THSD4: variants seen among roughly 807,000 people sequenced by gnomAD.
THSD4 encodes the protein thrombospondin type 1 domain containing 4.
Under a neutral mutation model 119.0 loss-of-function variants are expected in THSD4, and 69 were observed. The observed-to-expected ratio is 0.58, with a 90% CI of 0.48 to 0.71. The LOEUF is 0.71. THSD4 is among the 30% of genes least tolerant of loss of function. The pLI is 0.00. For missense variants in THSD4, 1,393 were observed against 1,391.1 expected, an observed-to-expected ratio of 1.00 and a Z score of -0.02; for synonymous variants, 524 against 540.4, an observed-to-expected ratio of 0.97 and a Z score of 0.42.
chr15:71,129,837 C>T (rs947396987), intron 1 of THSD4, among the ~76,000 whole-genome samples: 5 of 152,196 alleles, frequency 3.3e-5, no homozygotes, highest in African/African-American at 9.7e-5. Context: ...ATAACTCAAA[C>T]GTCAATGCGC....
intron 1 of THSD4, among the ~76,000 whole-genome samples, chr15:71,103,802 T>C (rs1319258941): frequency 1.3e-5 from 2 of 151,916 alleles, no homozygotes; most frequent in East Asian, 3.9e-4. Flanking sequence ...GGAGTTCCCC[T>C]GCACCCCACT....
intron 6 of THSD4, among the ~76,000 whole-genome samples, chr15:71,319,648 T>A (rs2045241205): frequency 1.3e-5 from 2 of 152,082 alleles, no homozygotes; most frequent in Non-Finnish European, 1.5e-5. Flanking sequence ...CAGTCTATCA[T>A]TGATGGACAT....
intron 6 of THSD4, among the ~76,000 whole-genome samples, chr15:71,386,096 A>G (rs2046290363): frequency 6.6e-6 from 1 of 152,228 alleles, no homozygotes; most frequent in Non-Finnish European, 1.5e-5. Flanking sequence ...TTTACTGAGT[A>G]GGTGCTTAGT....
intron 7 of THSD4, among the ~76,000 whole-genome samples, chr15:71,454,130 G>C (rs2047304588): frequency 6.6e-6 from 1 of 152,130 alleles, no homozygotes; most frequent in African/African-American, 2.4e-5. Flanking sequence ...GGTGGTGCAT[G>C]CCTGTAATTC....
At chr15:71,409,280 C>G (rs756576825) in intron 6 of THSD4, among the ~76,000 whole-genome samples, 2 of 152,048 alleles carry the variant, frequency 1.3e-5, no homozygotes, top group African/African-American at 4.8e-5. Context: ...AGTGAGGACC[C>G]AAAACCCTTG....
At chr15:71,380,347 T>C (rs2046212269) in intron 6 of THSD4, among the ~76,000 whole-genome samples, 2 of 152,138 alleles carry the variant, frequency 1.3e-5, no homozygotes. Context: ...ATAACTCTTA[T>C]TTGGTCACAG....
chr15:71,372,760 C>T (rs1163959436), intron 6 of THSD4, among the ~76,000 whole-genome samples: 2 of 152,268 alleles, frequency 1.3e-5, no homozygotes, highest in African/African-American at 4.8e-5. Context: ...CCCGTTCTCA[C>T]ATCTCAAACT....
At chr15:71,235,106 A>G (rs1567164937) in intron 4 of THSD4, among the ~76,000 whole-genome samples, 1 of 152,190 alleles carries the variant, frequency 6.6e-6, no homozygotes. Context: ...TGTGAATTAC[A>G]TCTCCCTCCT....
intron 6 of THSD4, among the ~76,000 whole-genome samples, chr15:71,392,216 G>A (rs1450934422): frequency 6.6e-6 from 1 of 152,168 alleles, no homozygotes. Flanking sequence ...GATAAATGTC[G>A]ATATTTCCAT....
chr15:71,557,539 A>G (rs8029497), intron 7 of THSD4, among the ~76,000 whole-genome samples: 2 of 151,910 alleles, frequency 1.3e-5, no homozygotes, highest in African/African-American at 4.8e-5. Flanking sequence ...AGGATTTTCT[A>G]TAATATAAAA....
intron 3 of THSD4, among the ~76,000 whole-genome samples, chr15:71,156,546 TGA>T (rs568363216): frequency 2.2e-4 from 33 of 152,224 alleles, no homozygotes; most frequent in African/African-American, 7.7e-4. Flanking sequence ...ATTATAGGTG[TGA>T]GCCGCTGCAC....
chr15:71,615,296 G>T (rs1290788050), intron 7 of THSD4, among the ~76,000 whole-genome samples: 1 of 152,076 alleles, frequency 6.6e-6, no homozygotes, highest in African/African-American at 2.4e-5. Flanking sequence ...AGACTCCAAA[G>T]GAAAATATGG....
At chr15:71,388,663 A>T (rs12902609) in intron 6 of THSD4, among the ~76,000 whole-genome samples, 81,631 of 134,174 alleles carry the variant, frequency 0.61, 22,859 homozygotes, top group Middle Eastern at 0.76. Context: ...CTTTGGAGAG[A>T]GTGTGTGTGT....
At chr15:71,204,421 G>A (rs2043827624) in intron 3 of THSD4, among the ~76,000 whole-genome samples, 1 of 152,188 alleles carries the variant, frequency 6.6e-6, no homozygotes, top group Middle Eastern at 3.2e-3. Flanking sequence ...TGGCAGTGGG[G>A]AGCCCTGGGT....
At chr15:71,474,231 T>A (rs1022976475) in intron 7 of THSD4, among the ~76,000 whole-genome samples, 5 of 152,046 alleles carry the variant, frequency 3.3e-5, no homozygotes, top group Admixed American at 6.5e-5. Flanking sequence ...ATTTTATTTT[T>A]TTTTTTGAGA....
rs75378430 is a variant in THSD4, at chr15:71,310,180, G to A, written c.1015+53465G>A. Among the ~76,000 whole-genome samples the A allele has an allele frequency of 7.4e-3, 1,122 of 152,224 alleles. 17 individuals are homozygous for A. The highest frequency in any genetic ancestry group is 0.026 in the African/African-American group (1,061 of 41,540). On this transcript the variant is annotated intron_variant, in intron 6 of 17. Coordinates refer to ENST00000261862, the MANE Select transcript of THSD4 (RefSeq NM_024817.3). ...ATTTTACCTACCTATCTGTCTTTTA[G>A]CATGTTTTCATTTTAGGAAATCAGC...
At chr15:71,285,853 CAAAAAAAAAAAA>C (rs11421766) in intron 6 of THSD4, among the ~76,000 whole-genome samples, 14 of 67,384 alleles carry the variant, frequency 2.1e-4, no homozygotes, top group Admixed American at 4.8e-4. Flanking sequence ...GACTCCGTCT[CAAAAAAAAAAAA>C]AAAAAAAAAA....
chr15:71,474,020 C>T (rs1156472768), intron 7 of THSD4, among the ~76,000 whole-genome samples: 1 of 152,172 alleles, frequency 6.6e-6, no homozygotes, highest in African/African-American at 2.4e-5. Flanking sequence ...ATGTGGATCG[C>T]AGGTCAGGTA....
intron 15 of THSD4, among the ~76,000 whole-genome samples, chr15:71,763,748 G>A (rs1034872308): frequency 2.0e-5 from 3 of 151,214 alleles, no homozygotes; most frequent in African/African-American, 4.9e-5. Flanking sequence ...CCTGGCCCCC[G>A]TCTCTAAAAA....
Sources: gnomAD v4.1 joint callset for allele counts (sites outside exome capture counted in the v4.1 genomes callset) on GRCh38, gnomAD v4.1.1 for gene constraint, MANE v1.5 for transcripts, NCBI Gene and HGNC (gene_info 2026-07-23, HGNC 2026-07-21) for gene names.